MTUS1: variants seen among roughly 807,000 people sequenced by gnomAD.
MTUS1 encodes the protein microtubule associated scaffold protein 1.
A neutral mutation model predicts 120.8 loss-of-function variants in MTUS1; 109 were observed. That is an observed-to-expected ratio of 0.90 (90% CI 0.77 to 1.06). The LOEUF (loss-of-function observed/expected upper bound fraction) is 1.06, where lower values mean the gene tolerates loss of function less well. Among genes scored for constraint, MTUS1 ranks in the 50% least tolerant of loss-of-function variants. The pLI, the probability that MTUS1 is intolerant of heterozygous loss-of-function variation, is 0.00. For missense variants in MTUS1, 2,210 were observed against 1,486.3 expected (o/e 1.49, Z -8.01); for synonymous variants, 737 against 550.5 (o/e 1.34, Z -4.74).
At position 17,712,203 on chromosome 8, in the gene MTUS1, A is replaced by G. The variant is rs138149924; in HGVS notation, c.2623+1011T>C. Among the ~76,000 whole-genome samples the G allele has an allele frequency of 1.7e-3, 255 of 152,302 alleles. 1 individual carries two copies. The highest frequency in any genetic ancestry group is 6.0e-3 in the African/African-American group (248 of 41,568). Reference sequence around the variant, plus strand: ...GCTCCAGAAAATGAGCGATGCTTGTACCTTCGTTTCTTCTGATTTGCTCTT... The same window carrying G: ...GCTCCAGAAAATGAGCGATGCTTGTGCCTTCGTTTCTTCTGATTTGCTCTT... On this transcript the variant is annotated intron_variant, in intron 6 of 14. Transcript: ENST00000693296.
intron 6 of MTUS1, among the ~76,000 whole-genome samples, chr8:17,705,477 C>T (rs1278174637): frequency 6.6e-6 from 1 of 152,204 alleles, no homozygotes; most frequent in Non-Finnish European, 1.5e-5. Context: ...AAAAGGTAGT[C>T]ACTGTCTCAA....
At chr8:17,702,742 A>G (rs2130923884) in intron 6 of MTUS1, among the ~76,000 whole-genome samples, 1 of 152,314 alleles carries the variant, frequency 6.6e-6, no homozygotes, top group African/African-American at 2.4e-5. Context: ...TCCAGTGCAC[A>G]TATATGCCAT....
intron 1 of MTUS1, among the ~76,000 whole-genome samples, chr8:17,767,024 C>A (rs1462619088): frequency 6.6e-6 from 1 of 151,834 alleles, no homozygotes; most frequent in Non-Finnish European, 1.5e-5. Flanking sequence ...CTGGCACAAC[C>A]ATTTGCCATC....
intron 6 of MTUS1, among the ~76,000 whole-genome samples, chr8:17,710,948 G>A (rs374375499): frequency 1.6e-4 from 24 of 152,172 alleles, no homozygotes; most frequent in African/African-American, 4.8e-4. Context: ...GGGTGACCAG[G>A]TGCACTGTCA....
chr8:17,645,444 GA>G lies in MTUS1; in HGVS notation c.*481del. The G allele has an allele frequency of 6.4e-6, 1 of 155,862 alleles. No homozygotes were observed. The highest frequency in any genetic ancestry group is 6.4e-5 in the Admixed American group (1 of 15,668). The allele number at this position is 155,862 out of a possible 1,614,324, so 9.7% of individuals were successfully genotyped here. A position where few individuals can be genotyped will look rare whatever the true frequency, so the allele number is the denominator to read the frequency against. Reference sequence around the variant, plus strand: ...ACATATCCAGATATATTCAGATTTTGACATTTAATACACAGCAGAGGAGGCT... The same window carrying G: ...ACATATCCAGATATATTCAGATTTTGCATTTAATACACAGCAGAGGAGGCT... On this transcript the variant is annotated 3_prime_UTR_variant, in exon 15 of 15. Coordinates refer to ENST00000693296, the MANE Select transcript of MTUS1 (RefSeq NM_001363059.2).
At chr8:17,740,695 C>A (rs1349174745) in intron 3 of MTUS1, among the ~76,000 whole-genome samples, 1 of 152,104 alleles carries the variant, frequency 6.6e-6, no homozygotes, top group Non-Finnish European at 1.5e-5. Flanking sequence ...AGTAATAATA[C>A]CAGATGGGGT....
chr8:17,698,982 C>T (rs1818503405), intron 6 of MTUS1, among the ~76,000 whole-genome samples: 1 of 152,148 alleles, frequency 6.6e-6, no homozygotes, highest in African/African-American at 2.4e-5. Flanking sequence ...ACACCTTTTC[C>T]TTCCAGATTC....
intron 3 of MTUS1, among the ~76,000 whole-genome samples, chr8:17,738,318 A>G (rs1416762053): frequency 6.6e-6 from 1 of 152,156 alleles, no homozygotes; most frequent in Non-Finnish European, 1.5e-5. Context: ...CTCAGCTCAC[A>G]GGAGTCACGG....
chr8:17,783,702 G>T (rs1014983297), intron 1 of MTUS1, among the ~76,000 whole-genome samples: 1 of 152,056 alleles, frequency 6.6e-6, no homozygotes, highest in African/African-American at 2.4e-5. Context: ...CAGCCTATTG[G>T]TGACAGCCTT....
intron 1 of MTUS1, among the ~76,000 whole-genome samples, chr8:17,774,639 G>A (rs530682110): frequency 4.9e-4 from 74 of 152,228 alleles, no homozygotes; most frequent in African/African-American, 1.7e-3. Context: ...CGTTGCTGGT[G>A]GAAATGTCAA....
intron 3 of MTUS1, among the ~76,000 whole-genome samples, chr8:17,724,712 C>A (rs974711204): frequency 6.6e-6 from 1 of 152,204 alleles, no homozygotes; most frequent in Admixed American, 6.5e-5. Context: ...CAAGCCCAGT[C>A]TTTCGCTCTT....
intron 1 of MTUS1, among the ~76,000 whole-genome samples, chr8:17,766,618 G>A (rs551291177): frequency 2.6e-5 from 4 of 152,312 alleles, no homozygotes; most frequent in African/African-American, 7.2e-5. Flanking sequence ...TTTGTAGAAC[G>A]CATGGCAGGA....
intron 4 of MTUS1, among the ~76,000 whole-genome samples, chr8:17,722,842 TATTA>T (rs1395699192): frequency 1.3e-5 from 2 of 152,176 alleles, no homozygotes; most frequent in Non-Finnish European, 2.9e-5. Flanking sequence ...TCATGAGCAT[TATTA>T]CACTTTGTCC....
upstream of MTUS1, among the ~76,000 whole-genome samples, chr8:17,801,165 G>A (rs1165947412): frequency 6.6e-6 from 1 of 151,704 alleles, no homozygotes; most frequent in Non-Finnish European, 1.5e-5. Context: ...CGGAGGTCTC[G>A]GGGGCGGCGT....
In MTUS1 at chr8:17,743,591, A is replaced by G. The variant is rs1343021309; in HGVS notation, c.2287+13T>C. The G allele has an allele frequency of 2.4e-5, 38 of 1,608,914 alleles. No homozygotes were observed. In the Admixed American group the frequency reaches 6.4e-4, roughly 27 times the overall value. On this transcript the variant is annotated intron_variant, in intron 3 of 14. Transcript: ENST00000693296. Reference sequence around the variant, plus strand: ...CAATTAACTCATAAACTATTGAACTATTTTATTCTTACCAGAACTGGACAC... The same window carrying G: ...CAATTAACTCATAAACTATTGAACTGTTTTATTCTTACCAGAACTGGACAC...
rs1333856728 is a variant in MTUS1, at chr8:17,645,268, C to CA, written c.*657dup. 5.9e-5 allele frequency: 9 copies of CA among 152,570 alleles called. No individual in the cohort carries two copies. Among genetic ancestry groups the CA allele is most frequent in the Non-Finnish European group, 1.3e-4 (9 of 68,022 alleles). 9.5% of individuals were successfully genotyped at this position (152,570 alleles called of 1,614,324 possible). A position where few individuals can be genotyped will look rare whatever the true frequency, so the allele number is the denominator to read the frequency against. On this transcript the variant is annotated 3_prime_UTR_variant, in exon 15 of 15. Coordinates refer to ENST00000693296, the MANE Select transcript of MTUS1 (RefSeq NM_001363059.2). ...AGAGAATGTATAGACAGGGACAAGT[C>CA]AAAGCTCTTCCTGTTATACCCTCTC...
At chr8:17,753,363 G>A (rs1054612821) in intron 2 of MTUS1, among the ~76,000 whole-genome samples, 1 of 152,128 alleles carries the variant, frequency 6.6e-6, no homozygotes, top group African/African-American at 2.4e-5. Context: ...ACATTTTAAA[G>A]TTGACAACCC....
chr8:17,737,045 C>T (rs539247715), intron 3 of MTUS1, among the ~76,000 whole-genome samples: 1 of 152,198 alleles, frequency 6.6e-6, no homozygotes, highest in African/African-American at 2.4e-5. Flanking sequence ...CAGCCTTCCC[C>T]ACATTCTCCT....
chr8:17,786,941 C>T (rs1289115522), intron 1 of MTUS1, among the ~76,000 whole-genome samples: 2 of 152,212 alleles, frequency 1.3e-5, no homozygotes, highest in Admixed American at 6.5e-5. Flanking sequence ...CACAGCTATA[C>T]ATTTCAGAAA....
Sources: gnomAD v4.1 joint callset for allele counts (sites outside exome capture counted in the v4.1 genomes callset) on GRCh38, gnomAD v4.1.1 for gene constraint, MANE v1.5 for transcripts, NCBI Gene and HGNC (gene_info 2026-07-23, HGNC 2026-07-21) for gene names.